Variants in CR1 observed in about 807,000 individuals in gnomAD.
The protein encoded by CR1 is complement C3b/C4b receptor 1 (Knops blood group).
A neutral mutation model predicts 187.3 loss-of-function variants in CR1; 116 were observed. That is an observed-to-expected ratio of 0.62 (90% CI 0.53 to 0.72). The LOEUF is 0.72. Among genes scored for constraint, CR1 ranks in the 30% least tolerant of loss-of-function variants. The pLI, the probability that CR1 is intolerant of heterozygous loss-of-function variation, is 0.00. For synonymous variants in CR1, 576 were observed against 747.1 expected, an observed-to-expected ratio of 0.77 and a Z score of 3.73; for missense variants, 1,731 against 2,110.7, an observed-to-expected ratio of 0.82 and a Z score of 3.52.
intron 27 of CR1, among the ~76,000 whole-genome samples, chr1:207,572,997 C>G (rs969520053): frequency 1.3e-5 from 2 of 152,168 alleles, no homozygotes; most frequent in East Asian, 1.9e-4. Flanking sequence ...TTCATGACCT[C>G]ACCTTAACTT....
chr1:207,568,027 C>T lies in CR1; in HGVS notation c.4156C>T (p.Arg1386Cys), dbSNP rs1191814074. Residue 1386 changes from arginine to cysteine, a missense_variant, in exon 25 of 47, where the codon CGC becomes TGC. Transcript: ENST00000367049. ...TGGGGTTTGGAGCAGCCCTGCCCCTCGCTGTGGAATTCTGGGTTAGTGCTC... is the reference window on the plus strand; with the variant it reads ...TGGGGTTTGGAGCAGCCCTGCCCCTTGCTGTGGAATTCTGGGTTAGTGCTC... ...GNGVWSSPAP[R>C]CGILGHCQAP... 14 of 1,610,568 alleles carry T rather than the reference C, an allele frequency of 8.7e-6. No individual in the cohort carries two copies. Among genetic ancestry groups the T allele is most frequent in the East Asian group, 4.5e-5 (2 of 44,896 alleles).
intron 4 of CR1, among the ~76,000 whole-genome samples, 193 bp downstream of exon 4, chr1:207,511,847 G>A (rs1395610203): frequency 6.6e-6 from 1 of 152,138 alleles, no homozygotes; most frequent in Admixed American, 6.5e-5. Flanking sequence ...CCTGGGATGT[G>A]TCTTTTCTAA....
Position 207,622,991 on chromosome 1 carries a change from A to T in CR1, c.7277-2A>T. 1 of 1,565,930 alleles carries T rather than the reference A, an allele frequency of 6.4e-7. No homozygotes were observed. The highest frequency in any genetic ancestry group is 8.7e-7 in the Non-Finnish European group (1 of 1,151,272). On this transcript the variant is annotated splice_acceptor_variant, in intron 44 of 46. Transcript: ENST00000367049. LOFTEE classifies it high-confidence loss of function. ...ATTTAATTACCTTGTTTTACTGCCTAGGCACTTTATCTGGTACGATCTTCT... is the reference window on the plus strand; with the variant it reads ...ATTTAATTACCTTGTTTTACTGCCTTGGCACTTTATCTGGTACGATCTTCT...
chr1:207,631,048 T>A (rs1205504556), intron 46 of CR1, among the ~76,000 whole-genome samples: 1 of 152,150 alleles, frequency 6.6e-6, no homozygotes, highest in East Asian at 1.9e-4. Flanking sequence ...GATTTCTGAC[T>A]TCCACTGAAT....
chr1:207,511,703 T>C (rs372819396), intron 4 of CR1, 49 bp downstream of exon 4: 24 of 1,553,414 alleles, frequency 1.5e-5, no homozygotes, highest in Non-Finnish European at 1.9e-5. Context: ...CATTCTAATT[T>C]TTCTCTGGAA....
chr1:207,624,966 G>A (rs182819057), intron 45 of CR1, among the ~76,000 whole-genome samples: 1 of 152,138 alleles, frequency 6.6e-6, no homozygotes, highest in Non-Finnish European at 1.5e-5. Context: ...ATATCTTGAA[G>A]ATATTTGATT....
At chr1:207,604,761 C>T (rs1221416498) in intron 35 of CR1, among the ~76,000 whole-genome samples, 3 of 152,120 alleles carry the variant, frequency 2.0e-5, no homozygotes, top group African/African-American at 4.8e-5. Flanking sequence ...AAGCTAGGCA[C>T]AGAAAAACTA....
chr1:207,514,143 A>T (rs1306187742), intron 4 of CR1, among the ~76,000 whole-genome samples: 1 of 152,064 alleles, frequency 6.6e-6, no homozygotes, highest in Non-Finnish European at 1.5e-5. Context: ...ACATTTTTGA[A>T]AGGCAAATGA....
chr1:207,621,772 TA>T (rs1662320692), intron 43 of CR1, among the ~76,000 whole-genome samples, 200 bp from the exon 44 acceptor site: 3 of 152,212 alleles, frequency 2.0e-5, no homozygotes, highest in Admixed American at 2.0e-4. Flanking sequence ...GTAATTGTAT[TA>T]ATAATAATTT....
At chr1:207,625,774 A>T (rs556473521) in intron 45 of CR1, among the ~76,000 whole-genome samples, 60 of 152,248 alleles carry the variant, frequency 3.9e-4, no homozygotes, top group African/African-American at 1.4e-3. Flanking sequence ...GGGCCACAGG[A>T]CCAGTTGAGT....
intron 46 of CR1, among the ~76,000 whole-genome samples, chr1:207,633,379 C>T (rs1393770659): frequency 1.3e-5 from 2 of 152,098 alleles, no homozygotes; most frequent in South Asian, 2.1e-4. Context: ...AGCTTCTTTG[C>T]ATATTGTTAG....
intron 45 of CR1, among the ~76,000 whole-genome samples, chr1:207,627,949 TC>T (rs1055450697): frequency 2.0e-5 from 3 of 152,138 alleles, no homozygotes; most frequent in Admixed American, 6.5e-5. Context: ...AGGGCACTAG[TC>T]CCATTCACAA....
intron 4 of CR1, among the ~76,000 whole-genome samples, chr1:207,516,059 A>G (rs546038465): frequency 6.6e-6 from 1 of 152,266 alleles, no homozygotes; most frequent in South Asian, 2.1e-4. Context: ...TACAAAAAAA[A>G]TAAATATATA....
chr1:207,513,118 C>T (rs1659672701), intron 4 of CR1, among the ~76,000 whole-genome samples: 2 of 152,224 alleles, frequency 1.3e-5, no homozygotes, highest in Admixed American at 1.3e-4. Context: ...AACTCTTACA[C>T]TTATACAAAT....
intron 34 of CR1, among the ~76,000 whole-genome samples, chr1:207,588,012 T>G (rs890498674): frequency 3.3e-5 from 5 of 152,112 alleles, no homozygotes; most frequent in Admixed American, 1.3e-4. Context: ...CAAAAGAAAT[T>G]TATGTGAGTT....
At chr1:207,523,228 C>A (rs1660052216) in intron 4 of CR1, among the ~76,000 whole-genome samples, 1 of 151,948 alleles carries the variant, frequency 6.6e-6, no homozygotes, top group African/African-American at 2.4e-5. Context: ...TATCTTTTAG[C>A]AAATGTTTTT....
chr1:207,630,188 T>C (rs1379615125), intron 45 of CR1, among the ~76,000 whole-genome samples: 2 of 152,174 alleles, frequency 1.3e-5, no homozygotes, highest in East Asian at 3.8e-4. Context: ...GCAGCTTAAG[T>C]GTCAAAATCT....
At chr1:207,524,496 G>A (rs184129880) in intron 5 of CR1, among the ~76,000 whole-genome samples, 21 of 152,068 alleles carry the variant, frequency 1.4e-4, no homozygotes, top group Admixed American at 2.0e-4. Flanking sequence ...CAAGTCTCCT[G>A]CCTGAGCCTC....
chr1:207,609,351 A>G lies in CR1; in HGVS notation c.5958A>G (p.Thr1986=), dbSNP rs554498288. ...SNGDFYSNNR[T]SFHNGTVVTY... is the part of the protein sequence containing the mutation. ...GAGACTTCTACAGCAACAATAGAACATCTTTTCACAATGGAACGGTGGTAA... is the reference window on the plus strand; with the variant it reads ...GAGACTTCTACAGCAACAATAGAACGTCTTTTCACAATGGAACGGTGGTAA... The change falls in exon 37 of 47, where the codon ACA becomes ACG. Residue 1986 remains threonine, a synonymous_variant. Coordinates refer to ENST00000367049, the MANE Select transcript of CR1 (RefSeq NM_000651.6). 1.5e-4 allele frequency: 239 copies of G among 1,613,898 alleles called. No homozygotes were observed. The highest frequency in any genetic ancestry group is 1.9e-4 in the Non-Finnish European group (229 of 1,179,888).
Sources: allele counts gnomAD v4.1 joint callset (sites outside exome capture counted in the v4.1 genomes callset), GRCh38; gene constraint gnomAD v4.1.1; transcripts MANE v1.5; gene names NCBI Gene and HGNC (gene_info 2026-07-23, HGNC 2026-07-21).